Variants in ERLIN1 observed in about 807,000 individuals in gnomAD.
The protein encoded by ERLIN1 is erlin-1.
A neutral mutation model predicts 46.9 loss-of-function variants in ERLIN1; 24 were observed. The ratio of observed to expected loss-of-function variants is 0.51; its 90% confidence interval spans 0.37 to 0.72. The LOEUF is 0.72. Ranked by LOEUF, ERLIN1 falls within the 30% of genes least tolerant of loss-of-function variation. ERLIN1 has a pLI of 0.00. For missense variants in ERLIN1, 293 were observed against 417.9 expected (o/e 0.70, Z 2.61); for synonymous variants, 158 against 143.2 (o/e 1.10, Z -0.74).
chr10:100,169,297 G>C (rs1008236289), intron 6 of ERLIN1, among the ~76,000 whole-genome samples: 6 of 151,918 alleles, frequency 3.9e-5, no homozygotes, highest in African/African-American at 1.2e-4. Flanking sequence ...AGAGTGAATG[G>C]AGGAAAAAAA....
intron 3 of ERLIN1, 142 bp downstream of exon 3, chr10:100,179,059 C>T: frequency 1.7e-6 from 1 of 606,032 alleles, no homozygotes; most frequent in Non-Finnish European, 2.9e-6. Flanking sequence ...GGAGATAGGC[C>T]TTTGCTCAAA....
chr10:100,152,211 T>G lies in ERLIN1; in HGVS notation c.967A>C (p.Arg323=). 6.2e-7 allele frequency: 1 copy of G among 1,613,504 alleles called. No individual in the cohort carries two copies. The highest frequency in any genetic ancestry group is 8.5e-7 in the Non-Finnish European group (1 of 1,179,406). ...TCCTTAGAGGGGAGTGAGCTTTCTC[T>G]TCCAGTCCTAATATCTGAATATTTC... ...ALKYSDIRTG[R]ESSLPSKEAL... is the part of the protein sequence containing the mutation. The change falls in exon 11 of 11, where the codon AGA becomes CGA. Residue 323 remains arginine, a synonymous_variant. Transcript: ENST00000421367.
intron 6 of ERLIN1, among the ~76,000 whole-genome samples, chr10:100,173,023 C>T (rs1429314403): frequency 1.3e-5 from 2 of 152,158 alleles, no homozygotes; most frequent in East Asian, 1.9e-4. Context: ...TTTCAAACGA[C>T]CCCTTAACTC....
At chr10:100,184,253 AC>A (rs1425768842) in intron 1 of ERLIN1, among the ~76,000 whole-genome samples, 6 of 152,242 alleles carry the variant, frequency 3.9e-5, no homozygotes, top group Non-Finnish European at 7.3e-5. Context: ...GACAATGCAA[AC>A]TTTGAAGTAA....
At position 100,183,609 on chromosome 10, in the gene ERLIN1, C is replaced by T. The variant is rs1844785681; in HGVS notation, c.195+147G>A. 5.8e-6 allele frequency: 3 copies of T among 517,776 alleles called. No individual in the cohort carries two copies. The East Asian group carries it at 9.2e-5, about 16-fold the overall frequency. 32.1% of individuals were successfully genotyped at this position (517,776 alleles called of 1,614,324 possible). On this transcript the variant is annotated intron_variant, in intron 2 of 10. Coordinates refer to ENST00000421367, the MANE Select transcript of ERLIN1 (RefSeq NM_006459.4). ...TTTAACATCATAACTTGTGTTGTAA[C>T]AACTGTACTCTGAACGTTAACTTCT...
intron 8 of ERLIN1, among the ~76,000 whole-genome samples, chr10:100,160,196 A>C (rs1437887944): frequency 6.6e-6 from 1 of 152,154 alleles, no homozygotes; most frequent in Non-Finnish European, 1.5e-5. Context: ...AAAAGAAAAC[A>C]TGTATCTGAA....
chr10:100,165,252 CA>C (rs1438081500), intron 7 of ERLIN1, among the ~76,000 whole-genome samples: 1 of 152,144 alleles, frequency 6.6e-6, no homozygotes, highest in Non-Finnish European at 1.5e-5. Context: ...ATAGTTTCCC[CA>C]AAACACTTCC....
intron 5 of ERLIN1, among the ~76,000 whole-genome samples, chr10:100,175,503 C>A (rs1297454123): frequency 1.3e-5 from 2 of 152,170 alleles, no homozygotes; most frequent in African/African-American, 4.8e-5. Flanking sequence ...TGGAAGCCTG[C>A]ACCTGCTTTC....
chr10:100,164,360 A>AT (rs1843519435), intron 7 of ERLIN1, among the ~76,000 whole-genome samples: 1 of 152,194 alleles, frequency 6.6e-6, no homozygotes, highest in Non-Finnish European at 1.5e-5. Context: ...TCCTAGTTGT[A>AT]TTGTGTAAAG....
chr10:100,185,989 C>T lies in ERLIN1; in HGVS notation c.-363G>A, dbSNP rs549890250. ...ATCAGTGACGCATCGCCCCCGCCCG[C>T]ACGTGCAGCCGACTCCCGCGCCGAG... On this transcript the variant is annotated 5_prime_UTR_variant, in exon 1 of 11. Coordinates refer to ENST00000421367, the MANE Select transcript of ERLIN1 (RefSeq NM_006459.4). 234 of 430,320 alleles carry T rather than the reference C, an allele frequency of 5.4e-4. No homozygotes were observed. The highest frequency in any genetic ancestry group is 7.4e-4 in the Non-Finnish European group (182 of 245,398). 26.7% of individuals were successfully genotyped at this position (430,320 alleles called of 1,614,324 possible). A position where few individuals can be genotyped will look rare whatever the true frequency, so the allele number is the denominator to read the frequency against.
At chr10:100,185,436 G>C (rs1229985034) in intron 1 of ERLIN1, 78 bp downstream of exon 1, 5 of 1,159,224 alleles carry the variant, frequency 4.3e-6, no homozygotes, top group Admixed American at 1.8e-5. Context: ...GTTGCAGAGG[G>C]AACAACTTCC....
At chr10:100,165,578 G>T (rs992741194) in intron 7 of ERLIN1, among the ~76,000 whole-genome samples, 1 of 151,856 alleles carries the variant, frequency 6.6e-6, no homozygotes, top group Admixed American at 6.6e-5. Flanking sequence ...AGTAGAGACG[G>T]GGTTTCATTG....
chr10:100,156,142 T>C lies in ERLIN1; in HGVS notation c.745+3A>G. On this transcript the variant is annotated splice_donor_region_variant and intron_variant, in intron 9 of 10. Transcript: ENST00000421367. Reference sequence around the variant, plus strand: ...AGAGCTTCATCCTCTCCCCACAATGTACCTTCGATTTCAGAAATGCGCTTT... The same window carrying C: ...AGAGCTTCATCCTCTCCCCACAATGCACCTTCGATTTCAGAAATGCGCTTT... The C allele has an allele frequency of 6.2e-7, 1 of 1,602,554 alleles. No individual in the cohort carries two copies. Among genetic ancestry groups the C allele is most frequent in the Non-Finnish European group, 8.5e-7 (1 of 1,170,698 alleles).
intron 3 of ERLIN1, 38 bp from the exon 4 acceptor site, chr10:100,178,232 A>G: frequency 7.5e-7 from 1 of 1,336,858 alleles, no homozygotes; most frequent in Non-Finnish European, 1.0e-6. Context: ...TACTAAAGGC[A>G]ATCCATAAAA....
intron 10 of ERLIN1, among the ~76,000 whole-genome samples, chr10:100,152,963 C>G (rs1842885648): frequency 1.3e-5 from 2 of 152,174 alleles, no homozygotes; most frequent in Admixed American, 1.3e-4. Context: ...AAGAGATACT[C>G]TCATCTTAGC....
intron 1 of ERLIN1, among the ~76,000 whole-genome samples, chr10:100,184,077 G>C (rs1298574958): frequency 1.3e-5 from 2 of 151,966 alleles, no homozygotes; most frequent in Non-Finnish European, 2.9e-5. Context: ...CGTACCTCTG[G>C]GTCTCCAGCA....
rs1022123634 is a variant in ERLIN1, at chr10:100,151,729, T to C, written c.*402A>G. On this transcript the variant is annotated 3_prime_UTR_variant, in exon 11 of 11. Transcript: ENST00000421367. ...AGTCTTCTTGAACTTACCATCTCCTTCTCAGTCATCTCTTGAATGGTGGCT... is the reference window on the plus strand; with the variant it reads ...AGTCTTCTTGAACTTACCATCTCCTCCTCAGTCATCTCTTGAATGGTGGCT... 1 of 293,576 alleles carries C rather than the reference T, an allele frequency of 3.4e-6. No individual in the cohort carries two copies. The highest frequency in any genetic ancestry group is 6.6e-6 in the Non-Finnish European group (1 of 150,462). The allele number at this position is 293,576 out of a possible 1,614,324, so 18.2% of individuals were successfully genotyped here.
In ERLIN1 at chr10:100,174,135, C is replaced by A. The variant is rs573027084; in HGVS notation, c.504+73G>T. ...CATCTCAAATAATTGCTGAATAAAA[C>A]AATCCAATGAAAGGAGGAACAAACT... is the stretch of plus-strand genomic sequence containing the variant. On this transcript the variant is annotated intron_variant, in intron 6 of 10. Transcript: ENST00000421367. 8 of 931,804 alleles carry A rather than the reference C, an allele frequency of 8.6e-6. No homozygotes were observed. In the South Asian group the frequency reaches 1.0e-4, roughly 12 times the overall value. 57.7% of individuals were successfully genotyped at this position (931,804 alleles called of 1,614,324 possible).
At chr10:100,165,676 C>T (rs1006455055) in intron 7 of ERLIN1, among the ~76,000 whole-genome samples, 3 of 152,156 alleles carry the variant, frequency 2.0e-5, no homozygotes, top group Non-Finnish European at 4.4e-5. Context: ...CATGAGCCAC[C>T]GCACCCAGCC....
Sources: gnomAD v4.1 joint callset for allele counts (sites outside exome capture counted in the v4.1 genomes callset) on GRCh38, gnomAD v4.1.1 for gene constraint, MANE v1.5 for transcripts, NCBI Gene and HGNC (gene_info 2026-07-23, HGNC 2026-07-21) for gene names.